The following COL18A1 variants were observed in gnomAD, a reference collection of about 807,000 sequenced individuals.
The protein encoded by COL18A1 is collagen alpha-1(XVIII) chain.
Under a neutral mutation model 168.0 loss-of-function variants are expected in COL18A1, and 133 were observed. The observed-to-expected ratio is 0.79, with a 90% CI of 0.69 to 0.91. The LOEUF (loss-of-function observed/expected upper bound fraction) is 0.91. Ranked by LOEUF, COL18A1 falls within the 40% of genes least tolerant of loss-of-function variation. The pLI, the probability that COL18A1 is intolerant of heterozygous loss-of-function variation, is 0.00. For missense variants in COL18A1, 2,126 were observed against 1,925.4 expected, an observed-to-expected ratio of 1.10 and a Z score of -1.95; for synonymous variants, 949 against 809.0, an observed-to-expected ratio of 1.17 and a Z score of -2.94.
chr21:45,493,331 G>A (rs2036424487), intron 25 of COL18A1, 106 bp downstream of exon 25: 3 of 1,360,518 alleles, frequency 2.2e-6, no homozygotes, highest in Non-Finnish European at 3.1e-6. Flanking sequence ...CCCGGCTGCT[G>A]CTGTGACACG....
chr21:45,489,082 G>C (rs538564279), intron 18 of COL18A1, among the ~76,000 whole-genome samples: 2 of 152,300 alleles, frequency 1.3e-5, no homozygotes, highest in South Asian at 2.1e-4. Context: ...GCACTCTCAC[G>C]CGTCACCAGC....
At chr21:45,470,868 T>C (rs2035397036) in intron 3 of COL18A1, among the ~76,000 whole-genome samples, 1 of 151,934 alleles carries the variant, frequency 6.6e-6, no homozygotes, top group Non-Finnish European at 1.5e-5. Flanking sequence ...CCTTGGAAGG[T>C]CAGAGAGCTG....
At chr21:45,492,475 G>A in intron 22 of COL18A1, 60 bp from the exon 23 acceptor site, 1 of 1,599,500 alleles carries the variant, frequency 6.3e-7, no homozygotes, top group Non-Finnish European at 8.6e-7. Context: ...AGTCGCTCGA[G>A]TCCAGTTGAA....
rs754435895 is a variant in COL18A1, at chr21:45,456,459, ACT to A, written c.107-11780_107-11779del. Reference sequence around the variant, plus strand: ...GGTGCTTGGGTCTCCCACGTGGCTAACTCTGTGGGGCCGGGTCTTGCTAATAA... The same window carrying A: ...GGTGCTTGGGTCTCCCACGTGGCTAACTGTGGGGCCGGGTCTTGCTAATAA... On this transcript the variant is annotated intron_variant, in intron 2 of 41. Transcript: ENST00000651438. 1.1e-5 allele frequency: 17 copies of A among 1,544,874 alleles called. No homozygotes were observed. In the South Asian group the frequency reaches 1.7e-4, roughly 15 times the overall value.
In COL18A1 at chr21:45,505,383, C is replaced by A. The variant is rs749507428; in HGVS notation, c.3039C>A (p.Gly1013=). 1 of 1,585,056 alleles carries A rather than the reference C, an allele frequency of 6.3e-7. No individual in the cohort carries two copies. The highest frequency in any genetic ancestry group is 2.2e-5 in the East Asian group (1 of 44,660). Residue 1013 remains glycine, a synonymous_variant, in exon 36 of 42, where the codon GGC becomes GGA. Transcript: ENST00000651438. ...CTATCAGCGTTCCCGGCCCTCCGGG[C>A]CCCCCTGGGCCCCCTGGGCCCCCTG... ...RQTISVPGPP[G]PPGPPGPPGT... is the part of the protein sequence containing the mutation.
Position 45,477,429 on chromosome 21 carries a change from C to T in COL18A1, c.947C>T (p.Ser316Leu). The T allele has an allele frequency of 6.2e-7, 1 of 1,613,200 alleles. No homozygotes were observed. Among genetic ancestry groups the T allele is most frequent in the South Asian group, 1.1e-5 (1 of 90,818 alleles). Residue 316 changes from serine (S) to leucine (L), a missense_variant, in exon 7 of 42, where the codon TCA becomes TTA. Physicochemically the swap from Ser to Leu is moderately radical, Grantham distance 145 (BLOSUM62 -2). Transcript: ENST00000651438. ...TTCCCAGCTCAGACACTTCCTGGCT[C>T]AGATTCTGTCTCCACGTGGGACGGG... ...ASLGAQTLPGSDSVSTWDGSV... is the reference protein window; with the variant it reads ...ASLGAQTLPGLDSVSTWDGSV...
intron 2 of COL18A1, among the ~76,000 whole-genome samples, chr21:45,429,411 G>T (rs904680014): frequency 6.6e-6 from 1 of 151,920 alleles, no homozygotes; most frequent in Non-Finnish European, 1.5e-5. Flanking sequence ...TGAGGAAGGG[G>T]CAGTGCCCAC....
At chr21:45,435,545 A>G (rs2034075120) in intron 2 of COL18A1, among the ~76,000 whole-genome samples, 1 of 152,058 alleles carries the variant, frequency 6.6e-6, no homozygotes, top group Admixed American at 6.5e-5. Context: ...TCTGAGCCCC[A>G]GCTCGGCCTC....
At chr21:45,418,226 G>T (rs1421864410) in intron 2 of COL18A1, among the ~76,000 whole-genome samples, 1 of 152,238 alleles carries the variant, frequency 6.6e-6, no homozygotes, top group Non-Finnish European at 1.5e-5. Flanking sequence ...AGCTGGCCGG[G>T]TGCTCATCCC....
At chr21:45,454,532 T>C (rs563053683) in intron 2 of COL18A1, among the ~76,000 whole-genome samples, 23 of 152,258 alleles carry the variant, frequency 1.5e-4, no homozygotes, top group African/African-American at 4.8e-4. Flanking sequence ...TGTGTGTGAG[T>C]GAGCACGCCT....
chr21:45,487,137 G>A lies in COL18A1; in HGVS notation c.1833+145G>A, dbSNP rs147552126. On this transcript the variant is annotated intron_variant, in intron 16 of 41. Transcript: ENST00000651438. ...GCCTCATCCTGGGATTCCATATTCC[G>A]CATGGTGGGGCTCGAGTCTCTCGCC... is the stretch of plus-strand genomic sequence containing the variant. 2,381 of 874,034 alleles carry A rather than the reference G, an allele frequency of 2.7e-3. 8 individuals are homozygous for A. Among genetic ancestry groups the A allele is most frequent in the Admixed American group, 3.2e-3 (111 of 34,188 alleles). 54.1% of individuals were successfully genotyped at this position (874,034 alleles called of 1,614,324 possible). A position where few individuals can be genotyped will look rare whatever the true frequency, so the allele number is the denominator to read the frequency against.
Position 45,504,528 on chromosome 21 carries a change from C to T in COL18A1, c.2840C>T (p.Pro947Leu). ...GGCCCCCCCGGCCCCCCAGGCCCCC[C>T]AGGCCCACGTGGCTACCCTGGGATT... is the stretch of plus-strand genomic sequence containing the variant. ...LPGPPGPPGP[P>L]GPRGYPGIPG... Residue 947 changes from proline (P) to leucine (L), a missense_variant, in exon 34 of 42, where the codon CCA becomes CTA. Physicochemically the swap from Pro to Leu is moderately conservative, Grantham distance 98. Coordinates refer to ENST00000651438, the MANE Select transcript of COL18A1 (RefSeq NM_001379500.1). 1.2e-6 allele frequency: 1 copy of T among 818,492 alleles called. No homozygotes were observed. The highest frequency in any genetic ancestry group is 1.8e-6 in the Non-Finnish European group (1 of 541,338). 50.7% of individuals were successfully genotyped at this position (818,492 alleles called of 1,614,324 possible).
At chr21:45,467,192 C>T (rs576264938) in intron 2 of COL18A1, 2 of 969,876 alleles carry the variant, frequency 2.1e-6, no homozygotes, top group East Asian at 1.1e-4. Context: ...TGGGTGCTGC[C>T]CCCCTCCCGT....
chr21:45,505,391 G>A lies in COL18A1; in HGVS notation c.3047G>A (p.Gly1016Glu). 6.3e-7 allele frequency: 1 copy of A among 1,578,144 alleles called. No individual in the cohort carries two copies. Among genetic ancestry groups the A allele is most frequent in the Non-Finnish European group, 8.7e-7 (1 of 1,154,664 alleles). The change falls in exon 36 of 42, where the codon GGG becomes GAG. Residue 1016 changes from glycine to glutamate, a missense_variant. Gly to Glu is a moderately conservative substitution (Grantham distance 98). Transcript: ENST00000651438. ...GTTCCCGGCCCTCCGGGCCCCCCTG[G>A]GCCCCCTGGGCCCCCTGGAACCATG... Reference protein sequence around the residue: ...ISVPGPPGPPGPPGPPGTMGA... With the variant: ...ISVPGPPGPPEPPGPPGTMGA...
intron 2 of COL18A1, among the ~76,000 whole-genome samples, chr21:45,415,917 C>T (rs1365044768): frequency 2.6e-5 from 4 of 152,116 alleles, no homozygotes; most frequent in Non-Finnish European, 5.9e-5. Context: ...TGCCGGGGGC[C>T]GGGAGAGTGT....
rs113627271 is a variant in COL18A1 at position 45,413,685 on chromosome 21, T to C, written c.106+8212T>C. On this transcript the variant is annotated intron_variant, in intron 2 of 41. Coordinates refer to ENST00000651438, the MANE Select transcript of COL18A1 (RefSeq NM_001379500.1). ...AAGCGTCCATGGATCCCGTCCACGC[T>C]AACCTTGGGGTCCCTCTGCCAGCCC... is the stretch of plus-strand genomic sequence containing the variant. 4.1e-3 allele frequency among the ~76,000 whole-genome samples: 627 copies of C among 152,340 alleles called. 3 individuals carry two copies. Among genetic ancestry groups the C allele is most frequent in the African/African-American group, 0.014 (588 of 41,584 alleles).
At chr21:45,411,770 G>GGT (rs1555967953) in intron 2 of COL18A1, among the ~76,000 whole-genome samples, 1 of 136,856 alleles carries the variant, frequency 7.3e-6, no homozygotes, top group African/African-American at 2.6e-5. Flanking sequence ...GGGGGGTGGG[G>GGT]GGGGGGCAGG....
chr21:45,509,546 G>C lies in COL18A1; in HGVS notation c.3440G>C (p.Arg1147Pro). The C allele has an allele frequency of 6.5e-7, 1 of 1,536,994 alleles. No individual in the cohort carries two copies. Among genetic ancestry groups the C allele is most frequent in the Non-Finnish European group, 8.7e-7 (1 of 1,145,266 alleles). The change falls in exon 39 of 42, where the codon CGG becomes CCG. Residue 1147 changes from arginine to proline, a missense_variant. Transcript: ENST00000651438. ...APHHSSYVHL[R>P]PARPTSPPAH... is the part of the protein sequence containing the mutation. The stretch of plus-strand genomic sequence containing the variant: ...CACCACAGCTCCTACGTGCACCTGC[G>C]GCCGGCGCGACCCACAAGCCCACCC...
In COL18A1 at chr21:45,480,209, A is replaced by G; in HGVS notation, c.1398+53A>G. On this transcript the variant is annotated intron_variant, in intron 11 of 41. Transcript: ENST00000651438. ...CCCGGGGTCTGCCCTCCTCAAAAGC[A>G]GGCACTGCCTCTGGCCCAGAAGTAT... is the stretch of plus-strand genomic sequence containing the variant. 5 of 1,191,508 alleles carry G rather than the reference A, an allele frequency of 4.2e-6. No individual in the cohort carries two copies. In the South Asian group the frequency reaches 5.1e-5, roughly 12 times the overall value. 73.8% of individuals were successfully genotyped at this position (1,191,508 alleles called of 1,614,324 possible). A position where few individuals can be genotyped will look rare whatever the true frequency, so the allele number is the denominator to read the frequency against.
Sources: gnomAD v4.1 joint callset for allele counts (sites outside exome capture counted in the v4.1 genomes callset) on GRCh38, gnomAD v4.1.1 for gene constraint, MANE v1.5 for transcripts, NCBI Gene and HGNC (gene_info 2026-07-23, HGNC 2026-07-21) for gene names.